DHRS3: variants seen among roughly 807,000 people sequenced by gnomAD.
DHRS3 encodes the protein dehydrogenase/reductase 3.
In DHRS3, 14 loss-of-function variants were observed where a neutral mutation model predicts 27.2. The observed-to-expected ratio is 0.52, with a 90% confidence interval of 0.34 to 0.81. The LOEUF (loss-of-function observed/expected upper bound fraction) is 0.81, where lower values mean the gene tolerates loss of function less well. Ranked by LOEUF, DHRS3 falls within the 30% of genes least tolerant of loss-of-function variation. The pLI, the probability that DHRS3 is intolerant of heterozygous loss-of-function variation, is 0.01. For missense variants in DHRS3, 322 were observed against 406.2 expected (o/e 0.79, Z 1.78); for synonymous variants, 165 against 175.9 (o/e 0.94, Z 0.49).
At chr1:12,595,254 C>G (rs901956423) in intron 1 of DHRS3, among the ~76,000 whole-genome samples, 2 of 152,184 alleles carry the variant, frequency 1.3e-5, no homozygotes, top group Non-Finnish European at 2.9e-5. Flanking sequence ...TGACAGCTAA[C>G]GAGCTGCAGC....
At chr1:12,600,700 TCTG>T (rs973340379) in intron 1 of DHRS3, among the ~76,000 whole-genome samples, 2 of 152,164 alleles carry the variant, frequency 1.3e-5, no homozygotes, top group African/African-American at 4.8e-5. Context: ...TCATCTCTGT[TCTG>T]CTCCCCTGCC....
rs901010386 is a variant in DHRS3 at position 12,592,038 on chromosome 1, G to A, written c.196-11372C>T. Among the ~76,000 whole-genome samples, 3 of 152,188 alleles carry A rather than the reference G, an allele frequency of 2.0e-5. No individual in the cohort carries two copies. The stretch of plus-strand genomic sequence containing the variant: ...GAGGACAGAAGCTGTTCTGAGCATG[G>A]GTCAGCACAGTGCCCAGGGCTGGTG... On this transcript the variant is annotated intron_variant, in intron 1 of 5. Coordinates refer to ENST00000616661, the MANE Select transcript of DHRS3 (RefSeq NM_004753.7). The surrounding 1 kb of genome is among the most constrained non-coding windows in gnomAD (Gnocchi z 4.2).
chr1:12,587,360 C>T (rs1297209481), intron 1 of DHRS3, among the ~76,000 whole-genome samples: 1 of 151,792 alleles, frequency 6.6e-6, no homozygotes, highest in Admixed American at 6.6e-5. Context: ...CCAGGCTGGT[C>T]TCAAGCTCCT....
chr1:12,581,158 A>C (rs1646640670), intron 1 of DHRS3, among the ~76,000 whole-genome samples: 1 of 152,184 alleles, frequency 6.6e-6, no homozygotes, highest in Non-Finnish European at 1.5e-5. Context: ...GATATGATCT[A>C]CTTTTAAGTG....
At chr1:12,614,513 T>TA (rs59203914) in intron 1 of DHRS3, among the ~76,000 whole-genome samples, 1,447 of 143,662 alleles carry the variant, frequency 0.01, 16 homozygotes, top group African/African-American at 0.03. Context: ...AGTGTGCCTT[T>TA]AAAAAAAAAA....
chr1:12,582,644 G>C (rs907736428), intron 1 of DHRS3, among the ~76,000 whole-genome samples: 1 of 151,980 alleles, frequency 6.6e-6, no homozygotes, highest in African/African-American at 2.4e-5. Flanking sequence ...TTTGGTGTAG[G>C]CCTCCTCCAC....
chr1:12,611,979 C>T (rs1646913593), intron 1 of DHRS3, among the ~76,000 whole-genome samples: 2 of 100,790 alleles, frequency 2.0e-5, no homozygotes, highest in South Asian at 5.5e-4. Flanking sequence ...TCTCTGGCCT[C>T]CTGCACAAGT....
intron 1 of DHRS3, 72 bp downstream of exon 1, chr1:12,617,082 C>A: frequency 6.7e-7 from 1 of 1,490,700 alleles, no homozygotes; most frequent in South Asian, 1.3e-5. Flanking sequence ...GCGCGGGATC[C>A]CGCAGCGGCA....
intron 3 of DHRS3, 35 bp downstream of exon 3, chr1:12,579,258 G>A (rs1354489286): frequency 3.1e-6 from 5 of 1,613,858 alleles, no homozygotes; most frequent in South Asian, 2.2e-5. Flanking sequence ...CTCCCTGCAC[G>A]CCCGGGGCTG....
chr1:12,604,936 T>C (rs1447783245), intron 1 of DHRS3, among the ~76,000 whole-genome samples: 1 of 151,872 alleles, frequency 6.6e-6, no homozygotes, highest in Admixed American at 6.6e-5. Flanking sequence ...TCCCAGCTAC[T>C]TGGGAGGCTG....
intron 1 of DHRS3, among the ~76,000 whole-genome samples, chr1:12,614,513 T>A (rs1255908712): frequency 1.4e-5 from 2 of 143,792 alleles, no homozygotes; most frequent in Non-Finnish European, 3.1e-5. Context: ...AGTGTGCCTT[T>A]AAAAAAAAAA....
In DHRS3 at chr1:12,604,239, G is replaced by A. The variant is rs188850593; in HGVS notation, c.195+12915C>T. Reference sequence around the variant, plus strand: ...ACAGTGATCAAAGCTCTCAGGCCACGCAGAGCTCAGTGACCTCGGGCTTAA... The same window carrying A: ...ACAGTGATCAAAGCTCTCAGGCCACACAGAGCTCAGTGACCTCGGGCTTAA... On this transcript the variant is annotated intron_variant, in intron 1 of 5. Transcript: ENST00000616661. 7.1e-3 allele frequency among the ~76,000 whole-genome samples: 1,085 copies of A among 152,256 alleles called. 11 individuals carry two copies. Among genetic ancestry groups the A allele is most frequent in the Non-Finnish European group, 8.2e-3 (559 of 68,030 alleles).
chr1:12,573,532 A>G (rs557363647), intron 4 of DHRS3, among the ~76,000 whole-genome samples: 1 of 152,296 alleles, frequency 6.6e-6, no homozygotes, highest in African/African-American at 2.4e-5. Context: ...GTGCTCAATA[A>G]ATACTTGAAG....
At chr1:12,616,708 G>T in intron 1 of DHRS3, 1 of 1,008,788 alleles carries the variant, frequency 9.9e-7, no homozygotes. Context: ...CCAGGTTGGG[G>T]CTGGGTAGCG....
At chr1:12,605,282 A>G (rs1316743302) in intron 1 of DHRS3, among the ~76,000 whole-genome samples, 2 of 152,264 alleles carry the variant, frequency 1.3e-5, no homozygotes, top group African/African-American at 4.8e-5. Flanking sequence ...TCAATCTTGT[A>G]TATTACCATG....
chr1:12,612,078 G>C (rs1449291416), intron 1 of DHRS3, among the ~76,000 whole-genome samples: 1 of 152,184 alleles, frequency 6.6e-6, no homozygotes, highest in South Asian at 2.1e-4. Flanking sequence ...GGAGATGTTT[G>C]TTTATTCATG....
At chr1:12,601,236 G>T (rs1366596680) in intron 1 of DHRS3, among the ~76,000 whole-genome samples, 1 of 152,044 alleles carries the variant, frequency 6.6e-6, no homozygotes. Flanking sequence ...GCTGGGGCTG[G>T]TATACCCCTG....
In DHRS3 at chr1:12,608,118, C is replaced by G. The variant is rs1007247523; in HGVS notation, c.195+9036G>C. Among the ~76,000 whole-genome samples, 15 of 152,180 alleles carry G rather than the reference C, an allele frequency of 9.9e-5. No homozygotes were observed. The highest frequency in any genetic ancestry group is 2.1e-4 in the Non-Finnish European group (14 of 68,026). On this transcript the variant is annotated intron_variant, in intron 1 of 5. Coordinates refer to ENST00000616661, the MANE Select transcript of DHRS3 (RefSeq NM_004753.7). This position sits in a 1 kb window ranked among gnomAD's most constrained non-coding sequence, Gnocchi z 4.1. ...TCTCGAACTCCTGACGTCAAGTGAT[C>G]TGCCCGCCTCGGCCTCCCACAGTGC...
At chr1:12,584,740 G>C (rs1343800947) in intron 1 of DHRS3, among the ~76,000 whole-genome samples, 17 of 152,232 alleles carry the variant, frequency 1.1e-4, no homozygotes, top group Admixed American at 6.5e-4. Flanking sequence ...GGCCTTGGGT[G>C]AGGAGCAGCT....
Sources: allele counts gnomAD v4.1 joint callset (sites outside exome capture counted in the v4.1 genomes callset), GRCh38; gene constraint gnomAD v4.1.1; non-coding constraint Gnocchi (gnomAD v3.1); transcripts MANE v1.5; gene names NCBI Gene and HGNC (gene_info 2026-07-23, HGNC 2026-07-21).